LMAN2L: variants seen among roughly 807,000 people sequenced by gnomAD.
LMAN2L encodes the protein VIP36-like protein.
Under a neutral mutation model 44.3 loss-of-function variants are expected in LMAN2L, and 30 were observed. The ratio of observed to expected loss-of-function variants is 0.68; its 90% CI spans 0.51 to 0.92. The LOEUF is 0.92. Among genes scored for constraint, LMAN2L ranks in the 40% least tolerant of loss-of-function variants. The pLI is 0.00. For synonymous variants in LMAN2L, 183 were observed against 171.1 expected (o/e 1.07, Z -0.54); for missense variants, 429 against 446.1 (o/e 0.96, Z 0.35).
At chr2:96,725,011 T>C (rs2078238762) in intron 4 of LMAN2L, among the ~76,000 whole-genome samples, 1 of 152,030 alleles carries the variant, frequency 6.6e-6, no homozygotes, top group African/African-American at 2.4e-5. Context: ...TTTTGTATTT[T>C]TAGTAGAGAC....
chr2:96,707,108 T>C lies in LMAN2L; in HGVS notation c.*148A>G. ...CATGCACAACCATGGGAATGCGGGG[T>C]CCCTGCATTCAAAACTCCAGTGACA... is the stretch of plus-strand genomic sequence containing the variant. On this transcript the variant is annotated 3_prime_UTR_variant, in exon 8 of 8. Transcript: ENST00000264963. The C allele has an allele frequency of 1.4e-6, 1 of 697,092 alleles. No homozygotes were observed. The highest frequency in any genetic ancestry group is 2.3e-6 in the Non-Finnish European group (1 of 440,370). The allele number at this position is 697,092 out of a possible 1,614,324, so 43.2% of individuals were successfully genotyped here. A position where few individuals can be genotyped will look rare whatever the true frequency, so the allele number is the denominator to read the frequency against.
At position 96,733,512 on chromosome 2, in the gene LMAN2L, C is replaced by A. The variant is rs2078449952; in HGVS notation, c.507+7G>T. ...TAGCTGACCTAGGCTCTGACACTTG[C>A]CATTACCTCTTGCTGCTTCTCCTCA... On this transcript the variant is annotated splice_region_variant and intron_variant, in intron 4 of 7. Transcript: ENST00000264963. 1 of 1,608,926 alleles carries A rather than the reference C, an allele frequency of 6.2e-7. No individual in the cohort carries two copies. The highest frequency in any genetic ancestry group is 1.3e-5 in the African/African-American group (1 of 74,816).
intron 4 of LMAN2L, among the ~76,000 whole-genome samples, chr2:96,724,761 C>T (rs944822306): frequency 4.6e-5 from 7 of 152,228 alleles, no homozygotes; most frequent in African/African-American, 1.7e-4. Flanking sequence ...ATTCTCCTGC[C>T]TCTGCCTCCC....
At chr2:96,720,969 C>T (rs780510971) in intron 4 of LMAN2L, among the ~76,000 whole-genome samples, 1 of 152,042 alleles carries the variant, frequency 6.6e-6, no homozygotes, top group Non-Finnish European at 1.5e-5. Context: ...ATAACTACAA[C>T]ACTGAGATAT....
At chr2:96,726,590 C>T (rs2078277137) in intron 4 of LMAN2L, among the ~76,000 whole-genome samples, 1 of 151,300 alleles carries the variant, frequency 6.6e-6, no homozygotes, top group African/African-American at 2.4e-5. Flanking sequence ...TGAGACCAGC[C>T]TGGCAAACAT....
chr2:96,710,081 C>T (rs2077880326), intron 6 of LMAN2L, among the ~76,000 whole-genome samples: 1 of 152,196 alleles, frequency 6.6e-6, no homozygotes, highest in African/African-American at 2.4e-5. Context: ...GTCTGGCCTG[C>T]TCGGTACTTA....
intron 4 of LMAN2L, among the ~76,000 whole-genome samples, chr2:96,719,196 CAGG>C (rs2078100726): frequency 1.3e-5 from 2 of 152,148 alleles, no homozygotes; most frequent in African/African-American, 4.8e-5. Context: ...TTCTATAGAA[CAGG>C]AGATCTTCAG....
intron 4 of LMAN2L, among the ~76,000 whole-genome samples, chr2:96,728,505 C>CAAAA (rs61588722): frequency 1.1e-5 from 1 of 87,812 alleles, no homozygotes; most frequent in Non-Finnish European, 2.2e-5. Context: ...GACTCCGTCT[C>CAAAA]AAAAAAAAAA....
At chr2:96,738,613 C>T (rs2078565886) in intron 1 of LMAN2L, among the ~76,000 whole-genome samples, 1 of 152,136 alleles carries the variant, frequency 6.6e-6, no homozygotes, top group African/African-American at 2.4e-5. Context: ...GAGATTGAAA[C>T]TGCATGAGCC....
intron 4 of LMAN2L, among the ~76,000 whole-genome samples, chr2:96,720,905 C>T (rs1241655304): frequency 6.6e-6 from 1 of 152,076 alleles, no homozygotes; most frequent in African/African-American, 2.4e-5. Context: ...CGCCACTGCA[C>T]TCCAACCTGG....
At chr2:96,732,531 C>A (rs1221841585) in intron 4 of LMAN2L, among the ~76,000 whole-genome samples, 2 of 151,672 alleles carry the variant, frequency 1.3e-5, no homozygotes, top group African/African-American at 4.8e-5. Context: ...GTAGTCCCAG[C>A]TACGCGGGAG....
chr2:96,738,701 G>T (rs1377140808), intron 1 of LMAN2L, among the ~76,000 whole-genome samples: 1 of 151,780 alleles, frequency 6.6e-6, no homozygotes, highest in African/African-American at 2.4e-5. Context: ...TAAATAAAAA[G>T]AGTTTGACCC....
chr2:96,712,948 T>C (rs1008667924), intron 4 of LMAN2L, among the ~76,000 whole-genome samples: 13 of 152,180 alleles, frequency 8.5e-5, no homozygotes, highest in African/African-American at 2.4e-4. Flanking sequence ...TGGGGAGTAT[T>C]TGTCCCTTTG....
At chr2:96,720,464 G>A (rs1207537602) in intron 4 of LMAN2L, among the ~76,000 whole-genome samples, 2 of 151,772 alleles carry the variant, frequency 1.3e-5, no homozygotes, top group Non-Finnish European at 2.9e-5. Context: ...AGATAATCAG[G>A]TTATCTTTAC....
At chr2:96,712,303 T>A (rs1356766163) in intron 4 of LMAN2L, among the ~76,000 whole-genome samples, 1 of 152,238 alleles carries the variant, frequency 6.6e-6, no homozygotes, top group Non-Finnish European at 1.5e-5. Flanking sequence ...CGCTGGAGTC[T>A]GACTTGAATG....
At chr2:96,727,115 G>C (rs1330932893) in intron 4 of LMAN2L, among the ~76,000 whole-genome samples, 1 of 151,690 alleles carries the variant, frequency 6.6e-6, no homozygotes, top group Non-Finnish European at 1.5e-5. Context: ...ATGTGTGTGT[G>C]ACACACACAC....
chr2:96,738,247 G>C (rs2078557793), intron 1 of LMAN2L, among the ~76,000 whole-genome samples, 180 bp from the exon 2 acceptor site: 1 of 152,098 alleles, frequency 6.6e-6, no homozygotes, highest in African/African-American at 2.4e-5. Flanking sequence ...GCCTTTATCA[G>C]GTAAGGACCC....
chr2:96,737,190 T>C (rs1252661332), intron 2 of LMAN2L: 1 of 455,496 alleles, frequency 2.2e-6, no homozygotes, highest in South Asian at 1.6e-5. Context: ...TCACTTCTTG[T>C]CGCCATACCT....
rs750732033 is a variant in LMAN2L at position 96,712,035 on chromosome 2, A to G, written c.508-10T>C. 31 of 1,614,056 alleles carry G rather than the reference A, an allele frequency of 1.9e-5. No individual in the cohort carries two copies. The highest frequency in any genetic ancestry group is 4.5e-5 in the East Asian group (2 of 44,886). ...TGTAGGGGAATACCCGCTGGAAAGC[A>G]GAGAGGGGGAAGCAGACACTAAGGA... is the stretch of plus-strand genomic sequence containing the variant. On this transcript the variant is annotated splice_polypyrimidine_tract_variant and intron_variant, in intron 4 of 7. Transcript: ENST00000264963.
Sources: gnomAD v4.1 joint callset for allele counts (sites outside exome capture counted in the v4.1 genomes callset) on GRCh38, gnomAD v4.1.1 for gene constraint, MANE v1.5 for transcripts, NCBI Gene and HGNC (gene_info 2026-07-23, HGNC 2026-07-21) for gene names.